Variants in ROBO2 observed in about 807,000 individuals in gnomAD.
The protein encoded by ROBO2 is roundabout homolog 2.
In ROBO2, 53 loss-of-function variants were observed where a neutral mutation model predicts 160.8. The ratio of observed to expected loss-of-function variants is 0.33; its 90% CI spans 0.26 to 0.41. The LOEUF (loss-of-function observed/expected upper bound fraction) is 0.41. ROBO2 is among the 10% of genes least tolerant of loss of function. The pLI is 1.00. For missense variants in ROBO2, 1,577 were observed against 1,722.4 expected, an observed-to-expected ratio of 0.92 and a Z score of 1.49; for synonymous variants, 664 against 611.7, an observed-to-expected ratio of 1.09 and a Z score of -1.26.
intron 2 of ROBO2, among the ~76,000 whole-genome samples, chr3:76,462,187 T>C (rs998914463): frequency 6.6e-6 from 1 of 152,218 alleles, no homozygotes; most frequent in Non-Finnish European, 1.5e-5. Flanking sequence ...AGTAGATAAG[T>C]ACAATGCAAA....
chr3:77,614,784 G>T (rs1202310798), intron 21 of ROBO2, among the ~76,000 whole-genome samples: 1 of 152,058 alleles, frequency 6.6e-6, no homozygotes, highest in East Asian at 1.9e-4. Flanking sequence ...AACCCTTTCT[G>T]TAACTATCTC....
chr3:77,564,600 T>A, intron 11 of ROBO2: 1 of 405,824 alleles, frequency 2.5e-6, no homozygotes. Context: ...TATATATATA[T>A]ATACATTTAC....
At chr3:76,908,258 C>T (rs1162457657) in intron 2 of ROBO2, among the ~76,000 whole-genome samples, 1 of 152,168 alleles carries the variant, frequency 6.6e-6, no homozygotes, top group African/African-American at 2.4e-5. Context: ...TCCTTTCTGT[C>T]CTTTGGATGA....
intron 2 of ROBO2, among the ~76,000 whole-genome samples, chr3:76,885,652 C>A (rs1004201253): frequency 4.6e-5 from 7 of 152,044 alleles, no homozygotes; most frequent in African/African-American, 1.7e-4. Flanking sequence ...TGCAAACCAC[C>A]CTTGAGTGCT....
chr3:76,118,298 C>G (rs1001436357), intron 2 of ROBO2, among the ~76,000 whole-genome samples: 1 of 152,158 alleles, frequency 6.6e-6, no homozygotes, highest in African/African-American at 2.4e-5. Context: ...TGAAATACTA[C>G]TTGGAGCACT....
chr3:76,458,946 G>T (rs1047372924), intron 2 of ROBO2, among the ~76,000 whole-genome samples: 3 of 152,142 alleles, frequency 2.0e-5, no homozygotes, highest in African/African-American at 7.2e-5. Flanking sequence ...GTTTAGGTTT[G>T]GGGGAGACAC....
intron 2 of ROBO2, among the ~76,000 whole-genome samples, chr3:76,270,191 C>T (rs1707346903): frequency 6.6e-6 from 1 of 152,006 alleles, no homozygotes; most frequent in Non-Finnish European, 1.5e-5. Context: ...TTCAAGGGAA[C>T]CACAATGGCA....
chr3:76,717,719 T>G (rs2093404284), intron 2 of ROBO2, among the ~76,000 whole-genome samples: 1 of 152,084 alleles, frequency 6.6e-6, no homozygotes, highest in South Asian at 2.1e-4. Context: ...CTAAAGCAGG[T>G]CTTAAAAAAG....
intron 2 of ROBO2, among the ~76,000 whole-genome samples, chr3:76,113,535 A>C (rs2070332614): frequency 6.6e-6 from 1 of 152,134 alleles, no homozygotes; most frequent in African/African-American, 2.4e-5. Context: ...AAATTATGTC[A>C]TACAATCGAA....
At chr3:76,758,974 A>G (rs1381988640) in intron 2 of ROBO2, among the ~76,000 whole-genome samples, 2 of 151,940 alleles carry the variant, frequency 1.3e-5, no homozygotes, top group African/African-American at 4.8e-5. Flanking sequence ...CAGAGTAGAT[A>G]TATTGTTTTA....
chr3:77,307,379 A>G (rs2063181449), intron 2 of ROBO2, among the ~76,000 whole-genome samples: 1 of 152,210 alleles, frequency 6.6e-6, no homozygotes, highest in Non-Finnish European at 1.5e-5. Flanking sequence ...AGAGTTTACC[A>G]TCTTGGCTAA....
At chr3:76,374,653 G>A (rs1024709324) in intron 2 of ROBO2, among the ~76,000 whole-genome samples, 1 of 151,900 alleles carries the variant, frequency 6.6e-6, no homozygotes, top group African/African-American at 2.4e-5. Context: ...TCTGTGAATT[G>A]TCCAACCCCT....
intron 2 of ROBO2, among the ~76,000 whole-genome samples, chr3:76,293,391 G>C (rs34865979): frequency 0.67 from 102,248 of 152,190 alleles, 39,489 homozygotes; most frequent in Non-Finnish European, 0.88. Flanking sequence ...TGACACCAGA[G>C]GCCAAAGGGG....
At chr3:76,657,602 A>ATATATATATTCATATATATGTG (rs1185321932) in intron 2 of ROBO2, among the ~76,000 whole-genome samples, 15 of 133,962 alleles carry the variant, frequency 1.1e-4, no homozygotes, top group Non-Finnish European at 2.2e-4. Flanking sequence ...ATATATATGT[A>ATATATATATTCATATATATGTG]TATATATATT....
intron 2 of ROBO2, among the ~76,000 whole-genome samples, chr3:77,313,952 T>G (rs2063755830): frequency 6.6e-6 from 1 of 152,198 alleles, no homozygotes; most frequent in Non-Finnish European, 1.5e-5. Flanking sequence ...TTGGGCTACA[T>G]GCCTATTTCA....
chr3:76,505,294 C>T (rs768745151), intron 2 of ROBO2, among the ~76,000 whole-genome samples: 7 of 151,946 alleles, frequency 4.6e-5, no homozygotes, highest in Non-Finnish European at 8.8e-5. Context: ...CAAAAACCAT[C>T]GGTTGTTTCC....
intron 19 of ROBO2, among the ~76,000 whole-genome samples, chr3:77,601,639 C>G (rs1442635233): frequency 6.6e-6 from 1 of 152,104 alleles, no homozygotes; most frequent in Non-Finnish European, 1.5e-5. Context: ...ATGGCTTACA[C>G]CTGAAAATTT....
At chr3:77,107,563 T>C (rs2072979623) in intron 2 of ROBO2, among the ~76,000 whole-genome samples, 1 of 152,212 alleles carries the variant, frequency 6.6e-6, no homozygotes, top group Non-Finnish European at 1.5e-5. Context: ...TTGCATATCA[T>C]TTACATAGTA....
intron 2 of ROBO2, among the ~76,000 whole-genome samples, chr3:76,549,086 TATCTC>T (rs1469144260): frequency 1.3e-5 from 2 of 152,338 alleles, no homozygotes; most frequent in East Asian, 1.9e-4. Context: ...ATCACAAACA[TATCTC>T]ATAATATTTG....
Sources: gnomAD v4.1 joint callset for allele counts (sites outside exome capture counted in the v4.1 genomes callset) on GRCh38, gnomAD v4.1.1 for gene constraint, MANE v1.5 for transcripts, NCBI Gene and HGNC (gene_info 2026-07-23, HGNC 2026-07-21) for gene names.